DMD: variants seen among roughly 807,000 people sequenced by gnomAD.
DMD encodes the protein dystrophin, also known as mutant dystrophin.
A neutral mutation model predicts 330.1 loss-of-function variants in DMD; 63 were observed. That is an observed-to-expected ratio of 0.19 (90% CI 0.16 to 0.24). DMD has a LOEUF of 0.24. Ranked by LOEUF, DMD falls within the 10% of genes least tolerant of loss-of-function variation. DMD has a pLI of 1.00. For synonymous variants in DMD, 1,223 were observed against 959.8 expected (o/e 1.27, Z -5.07); for missense variants, 3,344 against 2,684.1 (o/e 1.25, Z -5.43).
At chrX:32,592,416 A>T (rs1275263639) in intron 13 of DMD, among the ~76,000 whole-genome samples, 3 of 110,144 alleles carry the variant, frequency 2.7e-5, no homozygotes, top group African/African-American at 1.0e-4. Context: ...TGTCTCCTTG[A>T]CTCTTCAGGA....
At chrX:31,348,094 C>T (rs1372352083) in intron 61 of DMD, 1 of 137,298 alleles carries the variant, frequency 7.3e-6, no homozygotes, top group Non-Finnish European at 1.4e-5. Flanking sequence ...GTCACAGTAA[C>T]ATATATTGGA....
At chrX:33,121,153 G>A (rs1286315589) in intron 1 of DMD, among the ~76,000 whole-genome samples, 3 of 109,749 alleles carry the variant, frequency 2.7e-5, no homozygotes, top group Non-Finnish European at 5.7e-5. Flanking sequence ...TATGTACTAC[G>A]TTTTTTACTG....
At chrX:32,584,825 TC>T (rs2054045827) in intron 13 of DMD, among the ~76,000 whole-genome samples, 1 of 111,999 alleles carries the variant, frequency 8.9e-6, no homozygotes, top group Non-Finnish European at 1.9e-5. Context: ...TAACATACTA[TC>T]TTTTTCTGGA....
chrX:31,438,533 G>T (rs145746017), intron 60 of DMD, among the ~76,000 whole-genome samples: 3,478 of 111,748 alleles, frequency 0.031, 87 homozygotes, highest in African/African-American at 0.068. Context: ...ATATTTATTT[G>T]GAGAATGGCC....
intron 7 of DMD, among the ~76,000 whole-genome samples, chrX:32,742,320 G>A (rs756352471): frequency 1.4e-4 from 16 of 111,609 alleles, no homozygotes; most frequent in African/African-American, 3.2e-4. Context: ...AATATTCTTC[G>A]TGCCCACTGG....
At chrX:32,152,975 A>C (rs749201667) in intron 44 of DMD, among the ~76,000 whole-genome samples, 1 of 112,168 alleles carries the variant, frequency 8.9e-6, no homozygotes, top group South Asian at 3.6e-4. Context: ...TCATTATCTT[A>C]AAAATGTATT....
intron 52 of DMD, among the ~76,000 whole-genome samples, chrX:31,681,279 G>A (rs2082365858): frequency 8.9e-6 from 1 of 111,989 alleles, no homozygotes; most frequent in Non-Finnish European, 1.9e-5. Flanking sequence ...AATCTGAGAG[G>A]TTTATCTACA....
rs934712789 is a variant in DMD at position 32,709,144 on chromosome X, T to C, written c.650-9851A>G. Among the ~76,000 whole-genome samples, 4 of 111,821 alleles carry C rather than the reference T, an allele frequency of 3.6e-5. No individual in the cohort carries two copies. The South Asian group carries it at 1.5e-3, about 42-fold the overall frequency. ...AGTTTGGAGTTTCTGGCTTCCACCA[T>C]TGTAATTAGGACCTCCCAACTACAA... On this transcript the variant is annotated intron_variant, in intron 7 of 78. Transcript: ENST00000357033.
At chrX:33,107,333 C>CA (rs1221366989) in intron 1 of DMD, among the ~76,000 whole-genome samples, 32 of 57,955 alleles carry the variant, frequency 5.5e-4, no homozygotes, top group South Asian at 2.1e-3. Context: ...CCAACACACA[C>CA]AAAAAAAACA....
chrX:32,389,769 G>C, intron 31 of DMD, 95 bp from the exon 32 acceptor site: 4 of 861,178 alleles, frequency 4.6e-6, no homozygotes, highest in Non-Finnish European at 6.7e-6. Context: ...TATTTCTGAA[G>C]ATATACAGAA....
At chrX:33,063,183 C>T (rs772542310) in intron 1 of DMD, among the ~76,000 whole-genome samples, 17 of 111,518 alleles carry the variant, frequency 1.5e-4, no homozygotes, top group Non-Finnish European at 3.0e-4. Context: ...TATTACTGTA[C>T]TTCATTTTTG....
chrX:31,354,190 T>C lies in DMD; in HGVS notation c.9085-5556A>G, dbSNP rs1460942720. On this transcript the variant is annotated intron_variant, in intron 60 of 78. Transcript: ENST00000357033. ...ATGAGGACAGGGACACATCTTTCCCTGCTAAATCCTCAGTGAGTAGCACAG... is the reference window on the plus strand; with the variant it reads ...ATGAGGACAGGGACACATCTTTCCCCGCTAAATCCTCAGTGAGTAGCACAG... Among the ~76,000 whole-genome samples, 6 of 112,102 alleles carry C rather than the reference T, an allele frequency of 5.4e-5. No homozygotes were observed. In the East Asian group the frequency reaches 1.4e-3, roughly 26 times the overall value.
chrX:32,905,332 C>T (rs1186404861), intron 2 of DMD, among the ~76,000 whole-genome samples: 1 of 111,839 alleles, frequency 8.9e-6, no homozygotes, highest in South Asian at 3.7e-4. Flanking sequence ...AGCAAAGAAT[C>T]TATGATTAAA....
chrX:31,956,102 C>T (rs2095243772), intron 45 of DMD, among the ~76,000 whole-genome samples: 2 of 110,883 alleles, frequency 1.8e-5, no homozygotes, highest in South Asian at 7.8e-4. Context: ...CCACTTCCTA[C>T]ACCTTGCAGC....
At chrX:32,864,808 T>C (rs755872985) in intron 2 of DMD, among the ~76,000 whole-genome samples, 187 of 112,017 alleles carry the variant, frequency 1.7e-3, no homozygotes, top group Non-Finnish European at 3.1e-3. Context: ...AAAGAAGAAA[T>C]ATCATTCAAC....
At chrX:31,846,607 T>G (rs1311614491) in intron 48 of DMD, among the ~76,000 whole-genome samples, 1 of 112,058 alleles carries the variant, frequency 8.9e-6, no homozygotes, top group African/African-American at 3.2e-5. Context: ...AGGCTGGATA[T>G]TTCTTCCTTT....
At position 32,468,855 on chromosome X, in the gene DMD, G is replaced by T. The variant is rs1434816998; in HGVS notation, c.2950-145C>A. ...CTTCTATCAGTTATAAACTTCTAGT[G>T]GTAATTTAAATTTTACATATTATCC... On this transcript the variant is annotated intron_variant, in intron 22 of 78. Coordinates refer to ENST00000357033, the MANE Select transcript of DMD (RefSeq NM_004006.3). 3 of 493,635 alleles carry T rather than the reference G, an allele frequency of 6.1e-6. No homozygotes were observed. The African/African-American group carries it at 7.3e-5, about 12-fold the overall frequency. The allele number at this position is 493,635 out of a possible 1,213,427, so 40.7% of individuals were successfully genotyped here.
intron 1 of DMD, among the ~76,000 whole-genome samples, chrX:33,275,885 T>A (rs1038948006): frequency 8.9e-6 from 1 of 111,863 alleles, no homozygotes; most frequent in Non-Finnish European, 1.9e-5. Flanking sequence ...TCTCTGTGTA[T>A]GTTTACGTAC....
chrX:31,262,892 G>A (rs996009161), intron 62 of DMD, among the ~76,000 whole-genome samples: 2 of 112,702 alleles, frequency 1.8e-5, no homozygotes, highest in African/African-American at 6.4e-5. Flanking sequence ...GAAAGTGAGT[G>A]TATACCAATT....
Sources: allele counts gnomAD v4.1 joint callset (sites outside exome capture counted in the v4.1 genomes callset), GRCh38; gene constraint gnomAD v4.1.1; transcripts MANE v1.5; gene names NCBI Gene and HGNC (gene_info 2026-07-23, HGNC 2026-07-21).